The following SCHIP1 variants were observed in gnomAD, a reference collection of about 807,000 sequenced individuals.
SCHIP1 encodes the protein schwannomin interacting protein 1, also known as schwannomin-interacting protein 1.
SCHIP1 carries 8 observed loss-of-function variants against 29.7 expected under a neutral mutation model. The observed-to-expected ratio is 0.27, with a 90% confidence interval of 0.16 to 0.49. The LOEUF (loss-of-function observed/expected upper bound fraction) is 0.49, where lower values mean the gene tolerates loss of function less well. Among genes scored for constraint, SCHIP1 ranks in the 20% least tolerant of loss-of-function variants. SCHIP1 has a pLI of 0.99. For synonymous variants in SCHIP1, 76 were observed against 94.9 expected, an observed-to-expected ratio of 0.80 and a Z score of 1.16; for missense variants, 193 against 294.6, an observed-to-expected ratio of 0.66 and a Z score of 2.52.
the SCHIP1 span, among the ~76,000 whole-genome samples, chr3:159,520,989 A>C: frequency 1.3e-5 from 2 of 152,218 alleles, no homozygotes; most frequent in Non-Finnish European, 2.9e-5. Context: ...GTAATTTTCT[A>C]AGAATAAATT....
the SCHIP1 span, among the ~76,000 whole-genome samples, chr3:159,742,824 C>T: frequency 0.019 from 2,898 of 150,040 alleles, 108 homozygotes; most frequent in African/African-American, 0.069. Context: ...CCTGCCACCA[C>T]GCCTAGCTAA....
intron 1 of SCHIP1, among the ~76,000 whole-genome samples, chr3:159,852,434 A>C (rs1378585154): frequency 6.6e-6 from 1 of 152,166 alleles, no homozygotes; most frequent in Non-Finnish European, 1.5e-5. Flanking sequence ...GATTCTGATG[A>C]GTGTGTGTTT....
At chr3:159,532,782 A>T in the SCHIP1 span, among the ~76,000 whole-genome samples, 1 of 152,178 alleles carries the variant, frequency 6.6e-6, no homozygotes, top group East Asian at 1.9e-4. Flanking sequence ...GACTTTGTTG[A>T]TGACATCACT....
the SCHIP1 span, among the ~76,000 whole-genome samples, chr3:159,571,875 A>T: frequency 0.029 from 4,424 of 152,252 alleles, 133 homozygotes; most frequent in African/African-American, 0.077. Context: ...GTGTCGAGGA[A>T]TTTATCCATT....
At chr3:159,362,637 T>A in the SCHIP1 span, among the ~76,000 whole-genome samples, 3 of 152,284 alleles carry the variant, frequency 2.0e-5, no homozygotes, top group Non-Finnish European at 4.4e-5. Context: ...CCACCTCAAT[T>A]GCCTGCAGGA....
chr3:159,770,501 C>T, the SCHIP1 span, among the ~76,000 whole-genome samples: 1 of 152,108 alleles, frequency 6.6e-6, no homozygotes, highest in African/African-American at 2.4e-5. Flanking sequence ...TCAGGTAATC[C>T]GCCCACCTTC....
the SCHIP1 span, among the ~76,000 whole-genome samples, chr3:159,554,480 G>C: frequency 2.6e-5 from 4 of 152,102 alleles, no homozygotes; most frequent in Non-Finnish European, 4.4e-5. Context: ...TATTAACAAG[G>C]CTCCTTTGCC....
At chr3:159,737,617 A>G in the SCHIP1 span, among the ~76,000 whole-genome samples, 1 of 152,244 alleles carries the variant, frequency 6.6e-6, no homozygotes, top group South Asian at 2.1e-4. Context: ...TGTTATTTCA[A>G]CTACAAATTT....
the SCHIP1 span, among the ~76,000 whole-genome samples, chr3:159,832,841 C>T: frequency 2.6e-5 from 4 of 152,288 alleles, no homozygotes; most frequent in Admixed American, 1.3e-4. Flanking sequence ...CAGTTACCAT[C>T]GGTCAACTGT....
chr3:159,491,933 G>A, the SCHIP1 span, among the ~76,000 whole-genome samples: 1 of 152,186 alleles, frequency 6.6e-6, no homozygotes, highest in African/African-American at 2.4e-5. Context: ...AGCAGCATTT[G>A]CAGTTCATCA....
chr3:159,393,038 T>C, the SCHIP1 span, among the ~76,000 whole-genome samples: 1 of 152,356 alleles, frequency 6.6e-6, no homozygotes, highest in Non-Finnish European at 1.5e-5. Flanking sequence ...CATTGTGGTT[T>C]TGGTTTGCAT....
chr3:159,661,267 T>C, the SCHIP1 span, among the ~76,000 whole-genome samples: 1 of 152,332 alleles, frequency 6.6e-6, no homozygotes, highest in Middle Eastern at 3.4e-3. Flanking sequence ...ATTTACACCA[T>C]GTAACTTATA....
the SCHIP1 span, among the ~76,000 whole-genome samples, chr3:159,294,040 A>T: frequency 6.6e-6 from 1 of 152,126 alleles, no homozygotes; most frequent in African/African-American, 2.4e-5. Context: ...GTGCTATGTA[A>T]CTATCCATCT....
chr3:159,513,328 T>A, the SCHIP1 span, among the ~76,000 whole-genome samples: 1 of 152,208 alleles, frequency 6.6e-6, no homozygotes, highest in Non-Finnish European at 1.5e-5. Flanking sequence ...CTTATACCTT[T>A]CTATATGCCT....
the SCHIP1 span, among the ~76,000 whole-genome samples, chr3:159,597,982 A>G: frequency 4.6e-5 from 7 of 152,152 alleles, no homozygotes; most frequent in African/African-American, 1.7e-4. Flanking sequence ...GGCAGAAGAG[A>G]GAATAGTGAG....
At chr3:159,566,020 GA>G in the SCHIP1 span, among the ~76,000 whole-genome samples, 1 of 152,102 alleles carries the variant, frequency 6.6e-6, no homozygotes, top group Non-Finnish European at 1.5e-5. Flanking sequence ...GAAATAAATG[GA>G]AAAATTATCT....
At chr3:159,327,648 T>A in the SCHIP1 span, among the ~76,000 whole-genome samples, 1 of 152,212 alleles carries the variant, frequency 6.6e-6, no homozygotes, top group South Asian at 2.1e-4. Flanking sequence ...ATAATAACTG[T>A]TCATAATGAA....
At chr3:159,785,288 A>G in the SCHIP1 span, among the ~76,000 whole-genome samples, 2 of 152,360 alleles carry the variant, frequency 1.3e-5, no homozygotes, top group East Asian at 3.9e-4. Context: ...TTATACACCT[A>G]CCAATGGCAA....
At chr3:159,701,924 C>T in the SCHIP1 span, among the ~76,000 whole-genome samples, 768 of 152,272 alleles carry the variant, frequency 5.0e-3, 10 homozygotes, top group Admixed American at 0.024. Flanking sequence ...GACTGATCTA[C>T]ATTGAAGTCC....
Sources: allele counts gnomAD v4.1 joint callset (sites outside exome capture counted in the v4.1 genomes callset), GRCh38; gene constraint gnomAD v4.1.1; transcripts MANE v1.5; gene names NCBI Gene and HGNC (gene_info 2026-07-23, HGNC 2026-07-21).